Variants in KCNJ5 observed in about 807,000 individuals in gnomAD.
KCNJ5 encodes the protein G protein-activated inward rectifier potassium channel 4.
KCNJ5 carries 12 observed loss-of-function variants against 20.2 expected under a neutral mutation model. That is an observed-to-expected ratio of 0.59 (90% confidence interval 0.38 to 0.96). The LOEUF is 0.96. Among genes scored for constraint, KCNJ5 ranks in the 40% least tolerant of loss-of-function variants. The probability of loss-of-function intolerance (pLI) is 0.00; values close to 1 mark genes in which losing one functional copy is unlikely to be tolerated. For synonymous variants in KCNJ5, 210 were observed against 213.9 expected (o/e 0.98, Z 0.16); for missense variants, 449 against 557.6 (o/e 0.81, Z 1.96).
chr11:128,912,169 T>C lies in KCNJ5; in HGVS notation c.896T>C (p.Phe299Ser), dbSNP rs761825916. 1.9e-6 allele frequency: 3 copies of C among 1,608,466 alleles called. No individual in the cohort carries two copies. The highest frequency in any genetic ancestry group is 2.2e-5 in the East Asian group (1 of 44,870). ...MSQAQLHQEE[F>S]EVVVILEGMV... is the part of the protein sequence containing the mutation. ...CAGGCTCAGCTGCATCAGGAAGAGT[T>C]TGAAGTTGTGGTCATTCTAGAAGGG... Residue 299 changes from phenylalanine to serine, a missense_variant, in exon 2 of 3, where the codon TTT (phenylalanine) becomes TCT (serine). Coordinates refer to ENST00000529694, the MANE Select transcript of KCNJ5 (RefSeq NM_000890.5).
Position 128,917,074 on chromosome 11 carries a change from G to A in KCNJ5, c.*343G>A. 1 of 220,942 alleles carries A rather than the reference G, an allele frequency of 4.5e-6. No homozygotes were observed. The highest frequency in any genetic ancestry group is 8.8e-6 in the Non-Finnish European group (1 of 113,130). 13.7% of individuals were successfully genotyped at this position (220,942 alleles called of 1,614,324 possible). On this transcript the variant is annotated 3_prime_UTR_variant, in exon 3 of 3. Transcript: ENST00000529694. ...TTTTTGGGTCTCACAGACCCCTCCA[G>A]GGGCTGACACCTAGAGAGAACCATC...
intron 2 of KCNJ5, among the ~76,000 whole-genome samples, chr11:128,913,172 G>C (rs754371625): frequency 6.6e-6 from 1 of 152,204 alleles, no homozygotes; most frequent in Non-Finnish European, 1.5e-5. Context: ...GACCTTTGCT[G>C]CAGGGGAAGG....
Position 128,916,803 on chromosome 11 carries a change from G to T in KCNJ5, c.*72G>T. 1 of 1,207,138 alleles carries T rather than the reference G, an allele frequency of 8.3e-7. No homozygotes were observed. Among genetic ancestry groups the T allele is most frequent in the Non-Finnish European group, 1.2e-6 (1 of 861,114 alleles). The allele number at this position is 1,207,138 out of a possible 1,614,324, so 74.8% of individuals were successfully genotyped here. Reference sequence around the variant, plus strand: ...CAGACACTGCAGAGCCTGGGAGCAGGGGAGGGGAATAGTTGAGTGTGCTGT... The same window carrying T: ...CAGACACTGCAGAGCCTGGGAGCAGTGGAGGGGAATAGTTGAGTGTGCTGT... On this transcript the variant is annotated 3_prime_UTR_variant, in exon 3 of 3. Transcript: ENST00000529694.
chr11:128,892,830 T>G (rs1944116116), intron 1 of KCNJ5, among the ~76,000 whole-genome samples: 1 of 152,208 alleles, frequency 6.6e-6, no homozygotes, highest in Admixed American at 6.5e-5. Flanking sequence ...GCTATATACG[T>G]TTACATGAGT....
Position 128,916,758 on chromosome 11 carries a change from G to T in KCNJ5, c.*27G>T, listed in dbSNP as rs1269453005. ...GGGTGCAGCCTCCCTAAGACCTCCT[G>T]TCACTGGCTTCAGTGAACACAGACA... is the stretch of plus-strand genomic sequence containing the variant. On this transcript the variant is annotated 3_prime_UTR_variant, in exon 3 of 3. Transcript: ENST00000529694. 12 of 1,533,138 alleles carry T rather than the reference G, an allele frequency of 7.8e-6. No homozygotes were observed. Among genetic ancestry groups the T allele is most frequent in the Non-Finnish European group, 1.1e-5 (12 of 1,126,352 alleles). 95.0% of individuals were successfully genotyped at this position (1,533,138 alleles called of 1,614,324 possible).
At position 128,911,255 on chromosome 11, in the gene KCNJ5, A is replaced by G; in HGVS notation, c.-10-9A>G. 6.2e-7 allele frequency: 1 copy of G among 1,610,180 alleles called. No homozygotes were observed. Among genetic ancestry groups the G allele is most frequent in the East Asian group, 2.2e-5 (1 of 44,864 alleles). On this transcript the variant is annotated splice_polypyrimidine_tract_variant and intron_variant, in intron 1 of 2. Coordinates refer to ENST00000529694, the MANE Select transcript of KCNJ5 (RefSeq NM_000890.5). The surrounding 1 kb of genome is among the most constrained non-coding windows in gnomAD (Gnocchi z 6.3). Reference sequence around the variant, plus strand: ...CCCACTTCACTGATGGTGTCTTTTTAACTCAAAGCATCCCAGCTATGGCTG... The same window carrying G: ...CCCACTTCACTGATGGTGTCTTTTTGACTCAAAGCATCCCAGCTATGGCTG...
intron 1 of KCNJ5, among the ~76,000 whole-genome samples, chr11:128,897,291 T>G (rs1210848283): frequency 6.6e-6 from 1 of 151,896 alleles, no homozygotes; most frequent in Non-Finnish European, 1.5e-5. Flanking sequence ...AGAGACAAGG[T>G]TTCACCATGT....
At chr11:128,915,591 T>A (rs1330364072) in intron 2 of KCNJ5, among the ~76,000 whole-genome samples, 1 of 152,212 alleles carries the variant, frequency 6.6e-6, no homozygotes, top group Non-Finnish European at 1.5e-5. Context: ...ATCTATTCAC[T>A]CCAATCTCTA....
At chr11:128,902,217 G>T (rs779736485) in intron 1 of KCNJ5, 2 of 357,602 alleles carry the variant, frequency 5.6e-6, no homozygotes, top group African/African-American at 4.2e-5. Context: ...TCCCTTCCAC[G>T]ATGCCCTCAC....
intron 1 of KCNJ5, among the ~76,000 whole-genome samples, chr11:128,910,678 C>G (rs1465884435): frequency 2.0e-5 from 3 of 152,172 alleles, no homozygotes; most frequent in Non-Finnish European, 4.4e-5. Context: ...TCAGTAAGTA[C>G]TTTTTGAATA....
intron 2 of KCNJ5, among the ~76,000 whole-genome samples, chr11:128,912,724 T>A (rs1328140679): frequency 6.6e-6 from 1 of 152,188 alleles, no homozygotes; most frequent in Non-Finnish European, 1.5e-5. Flanking sequence ...TCGGCCAGGT[T>A]GGTGTCGAAC....
rs142112510 is a variant in KCNJ5 at position 128,910,540 on chromosome 11, T to C, written c.-10-724T>C. On this transcript the variant is annotated intron_variant, in intron 1 of 2. Coordinates refer to ENST00000529694, the MANE Select transcript of KCNJ5 (RefSeq NM_000890.5). The stretch of plus-strand genomic sequence containing the variant: ...CAAGATAAATAGAGACAGCAAGGAA[T>C]GAAAGAAACAGCACAGGCTTGGGCC... Among the ~76,000 whole-genome samples the C allele has an allele frequency of 3.8e-3, 575 of 152,330 alleles. 1 individual carries two copies. Among genetic ancestry groups the C allele is most frequent in the Non-Finnish European group, 6.0e-3 (408 of 68,038 alleles).
rs1363473397 is a variant in KCNJ5, at chr11:128,918,218, G to C, written c.*1487G>C. The stretch of plus-strand genomic sequence containing the variant: ...AGGCAGAGTTACAACCGGGAGGGCT[G>C]GGCAGGGAGGGCAGGGAGATTGCCT... On this transcript the variant is annotated 3_prime_UTR_variant, in exon 3 of 3. Transcript: ENST00000529694. 6.6e-6 allele frequency: 1 copy of C among 152,198 alleles called. No individual in the cohort carries two copies. Among genetic ancestry groups the C allele is most frequent in the African/African-American group, 2.4e-5 (1 of 41,438 alleles). 9.4% of individuals were successfully genotyped at this position (152,198 alleles called of 1,614,324 possible).
At chr11:128,903,647 GC>G in intron 1 of KCNJ5, 2 of 936,862 alleles carry the variant, frequency 2.1e-6, no homozygotes, top group Non-Finnish European at 1.6e-6. Flanking sequence ...TGGTGATGAT[GC>G]CAGAATGACA....
intron 1 of KCNJ5, among the ~76,000 whole-genome samples, chr11:128,898,559 C>G (rs1944212645): frequency 6.6e-6 from 1 of 152,274 alleles, no homozygotes; most frequent in Non-Finnish European, 1.5e-5. Flanking sequence ...TCTTTGTTTC[C>G]TCCTCCTCAG....
intron 2 of KCNJ5, among the ~76,000 whole-genome samples, chr11:128,915,461 T>G (rs1374614118): frequency 1.3e-5 from 2 of 152,216 alleles, no homozygotes; most frequent in Non-Finnish European, 2.9e-5. Context: ...GCCTGTCAGA[T>G]TCTCCGTGTT....
intron 2 of KCNJ5, among the ~76,000 whole-genome samples, chr11:128,913,776 T>C (rs1482175095): frequency 2.0e-5 from 3 of 152,226 alleles, no homozygotes; most frequent in African/African-American, 7.2e-5. Flanking sequence ...TGAGTGTTCA[T>C]ATTCAGCTCT....
In KCNJ5 at chr11:128,903,842, C is replaced by A. The variant is rs535284906; in HGVS notation, c.-10-7422C>A. 1.8e-3 allele frequency among the ~76,000 whole-genome samples: 276 copies of A among 152,246 alleles called. 1 individual carries two copies. The highest frequency in any genetic ancestry group is 6.5e-3 in the African/African-American group (271 of 41,542). On this transcript the variant is annotated intron_variant, in intron 1 of 2. Transcript: ENST00000529694. ...GCGGGAAGTGACCCGAGCTGCCGGG[C>A]AGCTTGTGCACAGCGGACCACATGG...
At chr11:128,912,775 C>T (rs989759629) in intron 2 of KCNJ5, among the ~76,000 whole-genome samples, 1 of 152,192 alleles carries the variant, frequency 6.6e-6, no homozygotes, top group Non-Finnish European at 1.5e-5. Flanking sequence ...TCCCAAAGTG[C>T]TGGGATTACA....
Sources: allele counts gnomAD v4.1 joint callset (sites outside exome capture counted in the v4.1 genomes callset), GRCh38; gene constraint gnomAD v4.1.1; non-coding constraint Gnocchi (gnomAD v3.1); transcripts MANE v1.5; gene names NCBI Gene and HGNC (gene_info 2026-07-23, HGNC 2026-07-21).